TNFRSF10D: variants seen among roughly 807,000 people sequenced by gnomAD.
TNFRSF10D encodes TNF receptor superfamily member 10d.
Under a neutral mutation model 42.1 loss-of-function variants are expected in TNFRSF10D, and 28 were observed. The ratio of observed to expected loss-of-function variants is 0.66; its 90% CI spans 0.49 to 0.91. TNFRSF10D has a LOEUF of 0.91. Among genes scored for constraint, TNFRSF10D ranks in the 40% least tolerant of loss-of-function variants. The pLI, the probability that TNFRSF10D is intolerant of heterozygous loss-of-function variation, is 0.00. For missense variants in TNFRSF10D, 503 were observed against 486.1 expected (o/e 1.03, Z -0.33); for synonymous variants, 186 against 189.4 (o/e 0.98, Z 0.15).
chr8:23,152,449 G>A (rs1043369041), intron 2 of TNFRSF10D, among the ~76,000 whole-genome samples: 2 of 152,212 alleles, frequency 1.3e-5, no homozygotes, highest in Non-Finnish European at 1.5e-5. Context: ...ACACTGCTCT[G>A]CTGTGAACCA....
At chr8:23,140,294 G>A (rs1290346714) in intron 7 of TNFRSF10D, among the ~76,000 whole-genome samples, 3 of 147,938 alleles carry the variant, frequency 2.0e-5, no homozygotes, top group Non-Finnish European at 4.5e-5. Context: ...GTCTCAAAAA[G>A]AAAAAAAATC....
intron 7 of TNFRSF10D, among the ~76,000 whole-genome samples, chr8:23,142,270 C>CA (rs34116006): frequency 0.35 from 49,524 of 143,374 alleles, 9,455 homozygotes; most frequent in East Asian, 0.84. Context: ...GACTCCCTCT[C>CA]AAAAAAAAAA....
intron 1 of TNFRSF10D, among the ~76,000 whole-genome samples, chr8:23,161,470 C>T (rs1434620595): frequency 6.6e-6 from 1 of 152,236 alleles, no homozygotes; most frequent in East Asian, 1.9e-4. Context: ...GTCCTCCTGA[C>T]AGCCTGAAGA....
intron 7 of TNFRSF10D, 124 bp from the exon 8 acceptor site, chr8:23,138,384 G>C (rs1814379620): frequency 1.0e-6 from 1 of 970,878 alleles, no homozygotes; most frequent in Admixed American, 2.1e-5. Context: ...TGGAGATGGA[G>C]ACAAACCTCT....
At position 23,147,041 on chromosome 8, in the gene TNFRSF10D, G is replaced by T. The variant is rs767411312; in HGVS notation, c.402C>A (p.Thr134=). The T allele has an allele frequency of 6.2e-7, 1 of 1,613,934 alleles. No homozygotes were observed. Among genetic ancestry groups the T allele is most frequent in the Admixed American group, 1.7e-5 (1 of 59,984 alleles). ...GQTNKSSCTT[T]RDTVCQCEKG... ...TTTCACACTGACACACGGTGTCTCT[G>T]GTCGTGGTACAGGAACTTTTATTTG... is the stretch of plus-strand genomic sequence containing the variant. Residue 134 remains threonine (T), a synonymous_variant, in exon 4 of 9, where the codon ACC becomes ACA. Transcript: ENST00000312584.
rs1168372272 is a variant in TNFRSF10D, at chr8:23,144,568, G to C, written c.836C>G (p.Thr279Ser). Reference protein sequence around the residue: ...PGAEDNARNETLSNRYLQPTQ... With the variant: ...PGAEDNARNESLSNRYLQPTQ... ...GGGCTGCAAGTATCTGTTACTCAGG[G>C]TCTCGTTGCGGGCATTGTCCTCCGC... The change falls in exon 7 of 9, where the codon ACC becomes AGC. Residue 279 changes from threonine (T) to serine (S), a missense_variant. Physicochemically the swap from Thr to Ser is moderately conservative, Grantham distance 58. Transcript: ENST00000312584. 8 of 1,614,030 alleles carry C rather than the reference G, an allele frequency of 5.0e-6. No homozygotes were observed. The highest frequency in any genetic ancestry group is 5.9e-6 in the Non-Finnish European group (7 of 1,180,028).
chr8:23,146,053 G>A (rs1481951277), intron 4 of TNFRSF10D, 132 bp from the exon 5 acceptor site: 26 of 1,239,104 alleles, frequency 2.1e-5, no homozygotes, highest in Non-Finnish European at 2.8e-5. Context: ...TGTCAGCAGT[G>A]GGTCCCCCTG....
intron 1 of TNFRSF10D, among the ~76,000 whole-genome samples, chr8:23,156,635 G>C (rs531358243): frequency 6.6e-4 from 99 of 150,258 alleles, no homozygotes; most frequent in Non-Finnish European, 1.5e-5. Flanking sequence ...TGTAATCTCT[G>C]CTCACTACAA....
chr8:23,148,128 T>C (rs7819697), intron 3 of TNFRSF10D, among the ~76,000 whole-genome samples: 9,230 of 148,114 alleles, frequency 0.062, 954 homozygotes, highest in African/African-American at 0.22. Context: ...TGATCCCAGC[T>C]ACTTAGGAGG....
chr8:23,145,643 G>A (rs367611693), intron 5 of TNFRSF10D, 25 bp downstream of exon 5: 106 of 1,612,872 alleles, frequency 6.6e-5, no homozygotes, highest in East Asian at 5.3e-4. Context: ...AGTGCCCAGC[G>A]CTCCCACCCT....
rs1461588219 is a variant in TNFRSF10D at position 23,163,911 on chromosome 8, G to C, written c.25C>G (p.Pro9Ala). 1 of 1,584,252 alleles carries C rather than the reference G, an allele frequency of 6.3e-7. No homozygotes were observed. The highest frequency in any genetic ancestry group is 8.6e-7 in the Non-Finnish European group (1 of 1,169,300). The change falls in exon 1 of 9, where the codon CCG (proline) becomes GCG (alanine). Residue 9 changes from proline (P) to alanine (A), a missense_variant. By Grantham distance (27) the Pro-to-Ala change is conservative. Coordinates refer to ENST00000312584, the MANE Select transcript of TNFRSF10D (RefSeq NM_003840.5). MGLWGQSV[P>A]TASSARAGRY... is the part of the protein sequence containing the mutation. ...CCTGCTCGAGCGCTCGAGGCGGTCG[G>C]GACGCTTTGTCCCCAAAGTCCCATG...
At position 23,136,152 on chromosome 8, in the gene TNFRSF10D, C is replaced by T. The variant is rs879084355; in HGVS notation, c.*1718G>A. 1,526 of 275,440 alleles carry T rather than the reference C, an allele frequency of 5.5e-3. No individual in the cohort carries two copies. The highest frequency in any genetic ancestry group is 0.02 in the African/African-American group (921 of 45,010). The allele number at this position is 275,440 out of a possible 1,614,324, so 17.1% of individuals were successfully genotyped here. On this transcript the variant is annotated 3_prime_UTR_variant, in exon 9 of 9. Transcript: ENST00000312584. ...CTGAAACCCCTAGAATGACTATATCCGTAATTTATCCTACCACGACTGGGC... is the reference window on the plus strand; with the variant it reads ...CTGAAACCCCTAGAATGACTATATCTGTAATTTATCCTACCACGACTGGGC...
At chr8:23,141,979 G>T (rs1198682782) in intron 7 of TNFRSF10D, among the ~76,000 whole-genome samples, 8 of 152,226 alleles carry the variant, frequency 5.3e-5, no homozygotes, top group African/African-American at 1.4e-4. Context: ...ACATAGAAAA[G>T]AAAACAAATC....
chr8:23,145,078 C>G lies in TNFRSF10D; in HGVS notation c.748G>C (p.Gly250Arg). Residue 250 changes from glycine (G) to arginine (R), a missense_variant, in exon 6 of 9, where the codon GGT becomes CGT. Physicochemically the swap from Gly to Arg is moderately radical, Grantham distance 125. Transcript: ENST00000312584. Reference sequence around the variant, plus strand: ...CTCACTCTGTGCACACGTTCGGGACCTCCTCCACCACCTGGAAAAGAAGCA... The same window carrying G: ...CTCACTCTGTGCACACGTTCGGGACGTCCTCCACCACCTGGAAAAGAAGCA... ...LKGICSGGGG[G>R]PERVHRVLFR... 1 of 1,614,136 alleles carries G rather than the reference C, an allele frequency of 6.2e-7. No homozygotes were observed. Among genetic ancestry groups the G allele is most frequent in the South Asian group, 1.1e-5 (1 of 91,084 alleles).
At chr8:23,159,472 A>G (rs1475030371) in intron 1 of TNFRSF10D, among the ~76,000 whole-genome samples, 3 of 152,142 alleles carry the variant, frequency 2.0e-5, no homozygotes, top group African/African-American at 7.2e-5. Context: ...TAGCCTCCAT[A>G]TATTTACTAG....
chr8:23,138,687 C>T (rs188216893), intron 7 of TNFRSF10D, among the ~76,000 whole-genome samples: 920 of 152,146 alleles, frequency 6.0e-3, no homozygotes, highest in African/African-American at 0.019. Context: ...AATGATTTAT[C>T]CCAAGACTGT....
intron 3 of TNFRSF10D, among the ~76,000 whole-genome samples, chr8:23,147,665 A>G (rs2128837301): frequency 6.6e-6 from 1 of 152,146 alleles, no homozygotes; most frequent in Non-Finnish European, 1.5e-5. Flanking sequence ...AGTGGCTCAC[A>G]CCTGTAATCA....
chr8:23,160,240 T>C (rs188517794), intron 1 of TNFRSF10D, among the ~76,000 whole-genome samples: 791 of 151,892 alleles, frequency 5.2e-3, no homozygotes, highest in African/African-American at 0.016. Context: ...AAAGAGCTCA[T>C]TGTCTATTTC....
rs115375166 is a variant in TNFRSF10D, at chr8:23,143,276, G to A, written c.954+1174C>T. 5.1e-3 allele frequency among the ~76,000 whole-genome samples: 754 copies of A among 149,296 alleles called. 7 individuals are homozygous for A. The highest frequency in any genetic ancestry group is 0.017 in the African/African-American group (707 of 40,910). On this transcript the variant is annotated intron_variant, in intron 7 of 8. Transcript: ENST00000312584. The stretch of plus-strand genomic sequence containing the variant: ...CAGGCATGAGCCACGGCGCCCGGCC[G>A]ACTGAGCACCTTTCTATAGTGTGGC...
Sources: allele counts gnomAD v4.1 joint callset (sites outside exome capture counted in the v4.1 genomes callset), GRCh38; gene constraint gnomAD v4.1.1; transcripts MANE v1.5; gene names NCBI Gene and HGNC (gene_info 2026-07-23, HGNC 2026-07-21).